Variants in PCDHA10 observed in about 807,000 individuals in gnomAD.
PCDHA10 encodes protocadherin alpha 10.
A neutral mutation model predicts 61.2 loss-of-function variants in PCDHA10; 45 were observed. That is an observed-to-expected ratio of 0.74 (90% CI 0.58 to 0.94). The LOEUF (loss-of-function observed/expected upper bound fraction) is 0.94, where lower values mean the gene tolerates loss of function less well. Ranked by LOEUF, PCDHA10 falls within the 40% of genes least tolerant of loss-of-function variation. PCDHA10 has a pLI of 0.00. For synonymous variants in PCDHA10, 602 were observed against 548.8 expected (o/e 1.10, Z -1.35); for missense variants, 1,278 against 1,236.2 (o/e 1.03, Z -0.51).
chr5:140,877,867 T>A lies in PCDHA10; in HGVS notation c.2388+19431T>A, dbSNP rs782120587. 4.7e-6 allele frequency: 7 copies of A among 1,490,888 alleles called. No individual in the cohort carries two copies. The Admixed American group carries it at 1.7e-4, about 37-fold the overall frequency. 92.4% of individuals were successfully genotyped at this position (1,490,888 alleles called of 1,614,324 possible). A position where few individuals can be genotyped will look rare whatever the true frequency, so the allele number is the denominator to read the frequency against. On this transcript the variant is annotated intron_variant, in intron 1 of 3. Coordinates refer to ENST00000307360, the MANE Select transcript of PCDHA10 (RefSeq NM_018901.4). ...AAGTTATTAATATTATTTAGATATA[T>A]TTGTTTCCTTGAAGAACTTCCGTTT...
chr5:140,886,827 GA>G (rs782016620), intron 1 of PCDHA10, among the ~76,000 whole-genome samples: 1,709 of 60,916 alleles, frequency 0.028, 12 homozygotes, highest in African/African-American at 0.032. Flanking sequence ...ACTTCGTCTT[GA>G]AAAAAAAAAA....
At chr5:140,964,699 G>A (rs2095849795) in intron 1 of PCDHA10, among the ~76,000 whole-genome samples, 1 of 151,922 alleles carries the variant, frequency 6.6e-6, no homozygotes, top group Non-Finnish European at 1.5e-5. Context: ...GAGAGATTAA[G>A]GCCTCCGAGA....
rs112292443 is a variant in PCDHA10 at position 140,899,661 on chromosome 5, C to T, written c.2388+41225C>T. Among the ~76,000 whole-genome samples the T allele has an allele frequency of 4.4e-3, 665 of 152,224 alleles. 7 individuals carry two copies. Among genetic ancestry groups the T allele is most frequent in the African/African-American group, 0.015 (620 of 41,530 alleles). ...ATTCTCTTATTTGGTTGTGTCTCTGCCCGGCTTTGGTATCAGGATGATGCT... is the reference window on the plus strand; with the variant it reads ...ATTCTCTTATTTGGTTGTGTCTCTGTCCGGCTTTGGTATCAGGATGATGCT... On this transcript the variant is annotated intron_variant, in intron 1 of 3. Transcript: ENST00000307360.
rs1368766918 is a variant in PCDHA10 at position 141,010,867 on chromosome 5, A to G, written c.*930A>G. 4.6e-5 allele frequency: 7 copies of G among 153,798 alleles called. No homozygotes were observed. The highest frequency in any genetic ancestry group is 3.3e-4 in the Admixed American group (5 of 15,292). 9.5% of individuals were successfully genotyped at this position (153,798 alleles called of 1,614,324 possible). A position where few individuals can be genotyped will look rare whatever the true frequency, so the allele number is the denominator to read the frequency against. On this transcript the variant is annotated 3_prime_UTR_variant, in exon 4 of 4. Coordinates refer to ENST00000307360, the MANE Select transcript of PCDHA10 (RefSeq NM_018901.4). Reference sequence around the variant, plus strand: ...TTAAAAAAAGAGAAAGTCTATAGCTATAAATCTTTAAAGAGAAATATGAAT... The same window carrying G: ...TTAAAAAAAGAGAAAGTCTATAGCTGTAAATCTTTAAAGAGAAATATGAAT...
chr5:140,958,295 C>A (rs1405336220), intron 1 of PCDHA10, among the ~76,000 whole-genome samples: 1 of 151,884 alleles, frequency 6.6e-6, no homozygotes, highest in African/African-American at 2.4e-5. Context: ...TATTATTGAA[C>A]TTAATTAAAA....
chr5:140,888,640 A>G (rs2153424746), intron 1 of PCDHA10, among the ~76,000 whole-genome samples: 1 of 152,282 alleles, frequency 6.6e-6, no homozygotes, highest in East Asian at 1.9e-4. Context: ...TTACAGCAAT[A>G]CTTTCCTGAG....
chr5:140,977,314 C>T (rs905353961), intron 1 of PCDHA10, among the ~76,000 whole-genome samples: 1 of 152,152 alleles, frequency 6.6e-6, no homozygotes, highest in Non-Finnish European at 1.5e-5. Context: ...AACGATAGTG[C>T]TCCTGATGGC....
rs931844758 is a variant in PCDHA10 at position 140,867,293 on chromosome 5, A to G, written c.2388+8857A>G. 2.6e-5 allele frequency: 4 copies of G among 152,096 alleles called. No homozygotes were observed. The South Asian group carries it at 6.2e-4, about 24-fold the overall frequency. The allele number at this position is 152,096 out of a possible 1,614,324, so 9.4% of individuals were successfully genotyped here. The stretch of plus-strand genomic sequence containing the variant: ...ATAAACCTGATGTGCTTCAAATATC[A>G]TGTTGAATATACTGTCATCTGGTCT... On this transcript the variant is annotated intron_variant, in intron 1 of 3. Coordinates refer to ENST00000307360, the MANE Select transcript of PCDHA10 (RefSeq NM_018901.4).
intron 1 of PCDHA10, among the ~76,000 whole-genome samples, chr5:140,939,802 A>C (rs1347672258): frequency 6.6e-6 from 1 of 152,220 alleles, no homozygotes; most frequent in Admixed American, 6.5e-5. Context: ...AATGTTCTGC[A>C]TGTTCAAGAA....
At chr5:140,944,046 G>A (rs782798105) in intron 1 of PCDHA10, among the ~76,000 whole-genome samples, 3 of 152,158 alleles carry the variant, frequency 2.0e-5, no homozygotes, top group Non-Finnish European at 4.4e-5. Context: ...AACCAGATTG[G>A]GATACAAAAA....
In PCDHA10 at chr5:140,900,299, G is replaced by T. The variant is rs1042472528; in HGVS notation, c.2388+41863G>T. ...CCACACTTTCTTTTCTGTTTTTTTA[G>T]ACAGTCTCACTTTTGTCGCCCAGGC... On this transcript the variant is annotated intron_variant, in intron 1 of 3. Coordinates refer to ENST00000307360, the MANE Select transcript of PCDHA10 (RefSeq NM_018901.4). 2.0e-5 allele frequency among the ~76,000 whole-genome samples: 3 copies of T among 151,604 alleles called. No homozygotes were observed. The East Asian group carries it at 5.8e-4, about 29-fold the overall frequency.
rs181377286 is a variant in PCDHA10 at position 140,886,682 on chromosome 5, G to C, written c.2388+28246G>C. Among the ~76,000 whole-genome samples, 463 of 151,736 alleles carry C rather than the reference G, an allele frequency of 3.1e-3. 3 individuals carry two copies. Among genetic ancestry groups the C allele is most frequent in the Middle Eastern group, 0.014 (4 of 294 alleles). The stretch of plus-strand genomic sequence containing the variant: ...CTCTACTAAAAATACAAAAATTAGC[G>C]AGGCATGGTGGCACGCGCCTGTAAT... On this transcript the variant is annotated intron_variant, in intron 1 of 3. Coordinates refer to ENST00000307360, the MANE Select transcript of PCDHA10 (RefSeq NM_018901.4).
At chr5:140,908,530 T>G (rs1554193400) in intron 1 of PCDHA10, among the ~76,000 whole-genome samples, 1 of 152,148 alleles carries the variant, frequency 6.6e-6, no homozygotes, top group African/African-American at 2.4e-5. Flanking sequence ...AATGTTCAGT[T>G]TCCACCAAAG....
intron 3 of PCDHA10, among the ~76,000 whole-genome samples, chr5:140,987,362 A>G (rs1490856237): frequency 6.6e-6 from 1 of 152,208 alleles, no homozygotes; most frequent in Non-Finnish European, 1.5e-5. Flanking sequence ...AGGTTGTCTT[A>G]TATCATTACA....
At position 140,982,704 on chromosome 5, in the gene PCDHA10, C is replaced by T. The variant is rs1393323812; in HGVS notation, c.2536+141C>T. ...CTTTTTTCCATACATACATGATTTCCTTACATATATGATTATTTTGATTTT... is the reference window on the plus strand; with the variant it reads ...CTTTTTTCCATACATACATGATTTCTTTACATATATGATTATTTTGATTTT... On this transcript the variant is annotated intron_variant, in intron 3 of 3. Coordinates refer to ENST00000307360, the MANE Select transcript of PCDHA10 (RefSeq NM_018901.4). 8 of 1,377,410 alleles carry T rather than the reference C, an allele frequency of 5.8e-6. No homozygotes were observed. In the African/African-American group the frequency reaches 1.2e-4, roughly 20 times the overall value. The allele number at this position is 1,377,410 out of a possible 1,614,324, so 85.3% of individuals were successfully genotyped here. A position where few individuals can be genotyped will look rare whatever the true frequency, so the allele number is the denominator to read the frequency against.
chr5:140,884,734 C>G, intron 1 of PCDHA10: 1 of 1,445,332 alleles, frequency 6.9e-7, no homozygotes. Flanking sequence ...TTTAAGACAT[C>G]TTTCCTGCCA....
intron 1 of PCDHA10, among the ~76,000 whole-genome samples, chr5:140,889,040 A>G (rs1313734637): frequency 4.6e-5 from 7 of 152,094 alleles, no homozygotes; most frequent in African/African-American, 1.4e-4. Context: ...TAATTTGATT[A>G]TAATTTATAA....
chr5:140,891,096 T>A (rs926770209), intron 1 of PCDHA10, among the ~76,000 whole-genome samples: 1 of 152,210 alleles, frequency 6.6e-6, no homozygotes, highest in African/African-American at 2.4e-5. Context: ...ATTGTTGCTG[T>A]CAAGAATTTA....
intron 1 of PCDHA10, among the ~76,000 whole-genome samples, chr5:140,944,853 C>G (rs1230548858): frequency 6.6e-6 from 1 of 152,118 alleles, no homozygotes; most frequent in Non-Finnish European, 1.5e-5. Context: ...TTAGAATCAT[C>G]CTTATTTATC....
Sources: gnomAD v4.1 joint callset for allele counts (sites outside exome capture counted in the v4.1 genomes callset) on GRCh38, gnomAD v4.1.1 for gene constraint, MANE v1.5 for transcripts, NCBI Gene and HGNC (gene_info 2026-07-23, HGNC 2026-07-21) for gene names.